RBFOX1: variants seen among roughly 807,000 people sequenced by gnomAD.
RBFOX1 encodes the protein RNA binding fox-1 homolog 1.
RBFOX1 carries 8 observed loss-of-function variants against 57.7 expected under a neutral mutation model. The observed-to-expected ratio is 0.14, with a 90% CI of 0.08 to 0.25. The LOEUF is 0.25. Ranked by LOEUF, RBFOX1 falls within the 10% of genes least tolerant of loss-of-function variation. The probability of loss-of-function intolerance (pLI) is 1.00; values close to 1 mark genes in which losing one functional copy is unlikely to be tolerated. For missense variants in RBFOX1, 611 were observed against 548.5 expected (o/e 1.11, Z -1.14); for synonymous variants, 326 against 222.4 (o/e 1.47, Z -4.15).
At chr16:5,548,326 C>A (rs1480274440) in intron 2 of RBFOX1, among the ~76,000 whole-genome samples, 1 of 151,018 alleles carries the variant, frequency 6.6e-6, no homozygotes, top group Non-Finnish European at 1.5e-5. Flanking sequence ...ACTTCAGTGT[C>A]ATGCAATATA....
intron 3 of RBFOX1, among the ~76,000 whole-genome samples, chr16:6,965,623 C>T (rs1034961157): frequency 1.3e-5 from 2 of 152,206 alleles, no homozygotes; most frequent in Admixed American, 6.5e-5. Context: ...AGGCATGAGC[C>T]ACTGCGCCTG....
chr16:6,136,116 G>A (rs759518265), intron 1 of RBFOX1, among the ~76,000 whole-genome samples: 1 of 151,952 alleles, frequency 6.6e-6, no homozygotes, highest in Non-Finnish European at 1.5e-5. Context: ...TTTTGCCATT[G>A]ACTTTAGGTA....
At chr16:6,175,153 C>T (rs867388743) in intron 1 of RBFOX1, among the ~76,000 whole-genome samples, 7 of 152,012 alleles carry the variant, frequency 4.6e-5, no homozygotes, top group African/African-American at 7.2e-5. Context: ...ACTGTGAGTC[C>T]GTGACTACAG....
intron 3 of RBFOX1, among the ~76,000 whole-genome samples, chr16:6,789,652 G>T (rs975811555): frequency 6.6e-6 from 1 of 152,186 alleles, no homozygotes; most frequent in African/African-American, 2.4e-5. Context: ...GTGCATTGGT[G>T]TGAGTTGTCT....
chr16:7,128,044 C>A (rs1447461146), intron 4 of RBFOX1, among the ~76,000 whole-genome samples: 1 of 152,202 alleles, frequency 6.6e-6, no homozygotes, highest in African/African-American at 2.4e-5. Flanking sequence ...TCAGTCTTGA[C>A]ATCGTCCTCT....
intron 1 of RBFOX1, among the ~76,000 whole-genome samples, chr16:5,399,514 T>C (rs1233337869): frequency 1.3e-5 from 2 of 152,140 alleles, no homozygotes; most frequent in Non-Finnish European, 2.9e-5. Flanking sequence ...GTTCCTTATT[T>C]TTTCTCTTTT....
rs182684703 is a variant in RBFOX1 at position 6,051,980 on chromosome 16, G to T, written c.-127+31988G>T. ...CCTCACCTGGACCGACAAGTTTGAC[G>T]CCTAATAAAATGGACTTCTAGTCTT... On this transcript the variant is annotated intron_variant, in intron 1 of 15. Coordinates refer to ENST00000550418, the MANE Select transcript of RBFOX1 (RefSeq NM_018723.4). Among the ~76,000 whole-genome samples the T allele has an allele frequency of 1.0e-3, 158 of 152,192 alleles. 1 individual carries two copies. The highest frequency in any genetic ancestry group is 3.3e-3 in the African/African-American group (138 of 41,518).
chr16:7,665,265 G>T (rs569797542), intron 13 of RBFOX1, among the ~76,000 whole-genome samples: 10 of 152,256 alleles, frequency 6.6e-5, no homozygotes, highest in African/African-American at 2.4e-4. Flanking sequence ...CACCCACAAA[G>T]AAATTGTCTC....
chr16:5,727,814 A>C (rs2052209757), intron 3 of RBFOX1, among the ~76,000 whole-genome samples: 1 of 152,176 alleles, frequency 6.6e-6, no homozygotes, highest in African/African-American at 2.4e-5. Flanking sequence ...CAGCCTGCTG[A>C]GTAGCTGGGA....
chr16:5,952,638 A>G (rs1361377321), intron 4 of RBFOX1, among the ~76,000 whole-genome samples: 1 of 152,128 alleles, frequency 6.6e-6, no homozygotes, highest in Non-Finnish European at 1.5e-5. Context: ...CTTCATCTGT[A>G]TCGATAGTGA....
intron 1 of RBFOX1, among the ~76,000 whole-genome samples, chr16:6,190,144 A>G (rs564090349): frequency 6.6e-6 from 1 of 152,340 alleles, no homozygotes; most frequent in East Asian, 1.9e-4. Flanking sequence ...AATAGTATTT[A>G]TGAAGTCCTT....
At chr16:5,240,543 T>C (rs545127819) in intron 1 of RBFOX1, among the ~76,000 whole-genome samples, 1 of 152,160 alleles carries the variant, frequency 6.6e-6, no homozygotes, top group African/African-American at 2.4e-5. Context: ...CCTGCTCTGC[T>C]GGGCTGCGGG....
At chr16:5,728,774 G>A (rs1402851164) in intron 3 of RBFOX1, among the ~76,000 whole-genome samples, 8 of 152,064 alleles carry the variant, frequency 5.3e-5, no homozygotes, top group Admixed American at 5.2e-4. Flanking sequence ...AGTCCCTGAT[G>A]AGCTACTCGC....
At chr16:7,441,596 T>C (rs905040039) in intron 4 of RBFOX1, among the ~76,000 whole-genome samples, 1 of 152,226 alleles carries the variant, frequency 6.6e-6, no homozygotes, top group Non-Finnish European at 1.5e-5. Context: ...ATGATTTGTT[T>C]TTGCTTTTTT....
At chr16:7,356,245 G>A (rs914548696) in intron 4 of RBFOX1, among the ~76,000 whole-genome samples, 6 of 152,178 alleles carry the variant, frequency 3.9e-5, no homozygotes, top group Non-Finnish European at 7.3e-5. Context: ...TGTTTTACGG[G>A]ACTTAGATTC....
At chr16:7,671,566 T>A (rs774091754) in intron 13 of RBFOX1, 1 of 1,610,786 alleles carries the variant, frequency 6.2e-7, no homozygotes, top group Non-Finnish European at 8.5e-7. Flanking sequence ...GAGTAGTGTA[T>A]CAAGAGCCTG....
chr16:7,088,200 A>C (rs1027727167), intron 4 of RBFOX1, among the ~76,000 whole-genome samples: 1 of 152,228 alleles, frequency 6.6e-6, no homozygotes, highest in Non-Finnish European at 1.5e-5. Flanking sequence ...TGGTGAATTC[A>C]GAAAAAAGGT....
chr16:7,141,100 A>G (rs2073652674), intron 4 of RBFOX1, among the ~76,000 whole-genome samples: 2 of 152,110 alleles, frequency 1.3e-5, no homozygotes, highest in South Asian at 4.1e-4. Context: ...TTTCTGAACC[A>G]TGAGTCATCT....
At chr16:6,427,732 A>G (rs1312611688) in intron 2 of RBFOX1, among the ~76,000 whole-genome samples, 9 of 152,156 alleles carry the variant, frequency 5.9e-5, no homozygotes. Flanking sequence ...ATTTATAATG[A>G]TTTAAACAGT....
Sources: allele counts gnomAD v4.1 joint callset (sites outside exome capture counted in the v4.1 genomes callset), GRCh38; gene constraint gnomAD v4.1.1; transcripts MANE v1.5; gene names NCBI Gene and HGNC (gene_info 2026-07-23, HGNC 2026-07-21).